UBE3B: variants seen among roughly 807,000 people sequenced by gnomAD.
UBE3B encodes ubiquitin-protein ligase E3B.
A neutral mutation model predicts 132.3 loss-of-function variants in UBE3B; 80 were observed. The ratio of observed to expected loss-of-function variants is 0.60; its 90% CI spans 0.50 to 0.73. UBE3B has a LOEUF of 0.73. UBE3B is among the 30% of genes least tolerant of loss of function. The probability of loss-of-function intolerance (pLI) is 0.00; values close to 1 mark genes in which losing one functional copy is unlikely to be tolerated. For missense variants in UBE3B, 1,196 were observed against 1,362.5 expected, an observed-to-expected ratio of 0.88 and a Z score of 1.92; for synonymous variants, 487 against 520.4, an observed-to-expected ratio of 0.94 and a Z score of 0.87.
At position 109,534,577 on chromosome 12, in the gene UBE3B, A is replaced by ATG. The variant is rs765189519; in HGVS notation, c.3016-9_3016-8dup. 1 of 1,596,354 alleles carries ATG rather than the reference A, an allele frequency of 6.3e-7. No individual in the cohort carries two copies. Among genetic ancestry groups the ATG allele is most frequent in the African/African-American group, 1.3e-5 (1 of 74,218 alleles). On this transcript the variant is annotated splice_polypyrimidine_tract_variant and intron_variant, in intron 27 of 27. Coordinates refer to ENST00000342494, the MANE Select transcript of UBE3B (RefSeq NM_130466.4). This position sits in a 1 kb window ranked among gnomAD's most constrained non-coding sequence, Gnocchi z 5.2. The stretch of plus-strand genomic sequence containing the variant: ...AGGCCCTTCCCAATTCAAGGCCACG[A>ATG]TGTGTGCCTTCAGGACACCGGGGAC...
chr12:109,546,921 G>C, the UBE3B span, among the ~76,000 whole-genome samples: 1 of 152,136 alleles, frequency 6.6e-6, no homozygotes, highest in African/African-American at 2.4e-5. Context: ...TGTTGCTCAG[G>C]CTGGTGTTGA....
chr12:109,533,319 G>C (rs1883142418), intron 26 of UBE3B, 147 bp from the exon 27 acceptor site: 2 of 758,780 alleles, frequency 2.6e-6, no homozygotes, highest in Non-Finnish European at 4.5e-6. Context: ...TTTGGGGCCA[G>C]ATCCACCCCG....
intron 24 of UBE3B, among the ~76,000 whole-genome samples, chr12:109,526,655 G>A (rs1021335178): frequency 3.3e-5 from 5 of 152,070 alleles, no homozygotes; most frequent in Admixed American, 2.0e-4. Context: ...GGCGGATCAC[G>A]AGGTCAGGAG....
At chr12:109,515,443 C>T (rs1297806557) in intron 18 of UBE3B, among the ~76,000 whole-genome samples, 1 of 152,024 alleles carries the variant, frequency 6.6e-6, no homozygotes, top group Non-Finnish European at 1.5e-5. Flanking sequence ...GATCTTGGCT[C>T]ACCACAACCT....
chr12:109,511,341 C>A (rs1210474795), intron 18 of UBE3B, 38 bp downstream of exon 18: 10 of 1,590,128 alleles, frequency 6.3e-6, no homozygotes, highest in African/African-American at 1.3e-5. Flanking sequence ...ATGTGTCTTT[C>A]TATTCCCCCA....
chr12:109,529,856 A>G, intron 24 of UBE3B, 34 bp from the exon 25 acceptor site: 1 of 1,612,694 alleles, frequency 6.2e-7, no homozygotes, highest in Non-Finnish European at 8.5e-7. Context: ...CGTCCTGTTA[A>G]TTGTCATTGT....
At position 109,524,128 on chromosome 12, in the gene UBE3B, T is replaced by C. The variant is rs950096868; in HGVS notation, c.2502+13T>C. 1.2e-6 allele frequency: 2 copies of C among 1,613,946 alleles called. No homozygotes were observed. Among genetic ancestry groups the C allele is most frequent in the Non-Finnish European group, 1.7e-6 (2 of 1,179,978 alleles). ...CACCTCCATCAAGGTGAGCATGGAA[T>C]GGTGGGTGAGCTAAGCCGAGCACTG... On this transcript the variant is annotated intron_variant, in intron 22 of 27. Coordinates refer to ENST00000342494, the MANE Select transcript of UBE3B (RefSeq NM_130466.4).
chr12:109,539,934 C>CT (rs1361945799), downstream of UBE3B, among the ~76,000 whole-genome samples: 1 of 151,964 alleles, frequency 6.6e-6, no homozygotes, highest in Non-Finnish European at 1.5e-5. Context: ...GTTTTCTGAG[C>CT]TGTAGGGAGA....
intron 14 of UBE3B, among the ~76,000 whole-genome samples, chr12:109,506,538 AGTGTTTCT>A (rs1879708655): frequency 2.0e-5 from 3 of 152,142 alleles, no homozygotes; most frequent in African/African-American, 7.2e-5. Flanking sequence ...TAGTAGAGAC[AGTGTTTCT>A]CATCATGTTG....
intron 1 of UBE3B, among the ~76,000 whole-genome samples, chr12:109,479,950 G>A (rs1337240075): frequency 6.6e-6 from 1 of 152,176 alleles, no homozygotes; most frequent in African/African-American, 2.4e-5. Flanking sequence ...ATGTCATGGA[G>A]GGAGCATATC....
At chr12:109,483,447 G>A in intron 2 of UBE3B, 84 bp from the exon 3 acceptor site, 1 of 1,416,024 alleles carries the variant, frequency 7.1e-7, no homozygotes, top group Non-Finnish European at 9.3e-7. Context: ...CCAGGTCCCT[G>A]CCCACCCTCT....
chr12:109,504,044 A>G (rs1879340836), intron 14 of UBE3B, among the ~76,000 whole-genome samples: 1 of 152,166 alleles, frequency 6.6e-6, no homozygotes, highest in African/African-American at 2.4e-5. Context: ...TAGTGGGGAG[A>G]CTGAAAATAA....
chr12:109,503,366 C>T (rs1470817338), intron 14 of UBE3B, among the ~76,000 whole-genome samples, 176 bp downstream of exon 14: 1 of 152,098 alleles, frequency 6.6e-6, no homozygotes, highest in Non-Finnish European at 1.5e-5. Context: ...CTCATGCTCA[C>T]CTCAATCATA....
chr12:109,524,865 G>A (rs762344319), intron 23 of UBE3B, among the ~76,000 whole-genome samples: 2 of 151,920 alleles, frequency 1.3e-5, no homozygotes, highest in Non-Finnish European at 2.9e-5. Flanking sequence ...TCAAGCTCAA[G>A]CAGAAGCCTG....
chr12:109,482,921 C>G (rs545840011), intron 2 of UBE3B, among the ~76,000 whole-genome samples: 1 of 152,344 alleles, frequency 6.6e-6, no homozygotes, highest in Admixed American at 6.5e-5. Context: ...ATATAATGGA[C>G]TGTCTTGCAT....
intron 26 of UBE3B, among the ~76,000 whole-genome samples, chr12:109,531,516 G>A (rs544461773): frequency 1.8e-4 from 28 of 152,280 alleles, no homozygotes; most frequent in Admixed American, 8.5e-4. Flanking sequence ...TTCTTTTGGA[G>A]GTTTGGGCTT....
chr12:109,509,517 G>T, intron 15 of UBE3B, 79 bp from the exon 16 acceptor site: 1 of 808,362 alleles, frequency 1.2e-6, no homozygotes, highest in Non-Finnish European at 2.0e-6. Context: ...CTCGTTTATT[G>T]TCTAGTAAGC....
chr12:109,502,992 C>T lies in UBE3B; in HGVS notation c.1283-31C>T, dbSNP rs1464399614. ...TGGGATTTGGCAGCTGGCTGAGCTG[C>T]TGCTCACATGTCTTCTTTTCTCCAT... is the stretch of plus-strand genomic sequence containing the variant. On this transcript the variant is annotated intron_variant, in intron 13 of 27. Transcript: ENST00000342494. 6 of 1,613,644 alleles carry T rather than the reference C, an allele frequency of 3.7e-6. No homozygotes were observed. In the Admixed American group the frequency reaches 8.3e-5, roughly 22 times the overall value.
At position 109,533,538 on chromosome 12, in the gene UBE3B, G is replaced by A. The variant is rs751378709; in HGVS notation, c.2995G>A (p.Val999Met). The part of the protein sequence containing the change: ...YLKPPFSIRC[V>M]EVSDDQDTGD... Reference sequence around the variant, plus strand: ...CAAGCCTCCATTCTCCATCCGCTGCGTGGAGGTGTCGGACGATCAGGTACC... The same window carrying A: ...CAAGCCTCCATTCTCCATCCGCTGCATGGAGGTGTCGGACGATCAGGTACC... Residue 999 changes from valine (V) to methionine (M), a missense_variant, in exon 27 of 28, where the codon GTG becomes ATG. Val to Met is a conservative substitution (Grantham distance 21). Transcript: ENST00000342494. 1.6e-5 allele frequency: 26 copies of A among 1,613,790 alleles called. No homozygotes were observed. The highest frequency in any genetic ancestry group is 2.7e-5 in the African/African-American group (2 of 75,012).
Sources: gnomAD v4.1 joint callset for allele counts (sites outside exome capture counted in the v4.1 genomes callset) on GRCh38, gnomAD v4.1.1 for gene constraint, Gnocchi (gnomAD v3.1) non-coding constraint, MANE v1.5 for transcripts, NCBI Gene and HGNC (gene_info 2026-07-23, HGNC 2026-07-21) for gene names.